CACNA2D4: variants seen among roughly 807,000 people sequenced by gnomAD.
CACNA2D4 encodes calcium voltage-gated channel auxiliary subunit alpha2delta 4.
Under a neutral mutation model 163.8 loss-of-function variants are expected in CACNA2D4, and 157 were observed. That is an observed-to-expected ratio of 0.96 (90% CI 0.84 to 1.09). The LOEUF is 1.09. Ranked by LOEUF, CACNA2D4 falls within the 50% of genes least tolerant of loss-of-function variation. The probability of loss-of-function intolerance (pLI) is 0.00; values close to 1 mark genes in which losing one functional copy is unlikely to be tolerated. For missense variants in CACNA2D4, 1,410 were observed against 1,479.9 expected (o/e 0.95, Z 0.78); for synonymous variants, 598 against 586.9 (o/e 1.02, Z -0.27).
At position 1,820,568 on chromosome 12, in the gene CACNA2D4, CCT is replaced by C. The variant is rs911998575; in HGVS notation, c.2552-8847_2552-8846del. The C allele has an allele frequency of 6.6e-6, 1 of 152,454 alleles. No individual in the cohort carries two copies. The highest frequency in any genetic ancestry group is 1.9e-4 in the East Asian group (1 of 5,190). The allele number at this position is 152,454 out of a possible 1,614,324, so 9.4% of individuals were successfully genotyped here. A position where few individuals can be genotyped will look rare whatever the true frequency, so the allele number is the denominator to read the frequency against. On this transcript the variant is annotated intron_variant, in intron 26 of 37. Transcript: ENST00000382722. This position sits in a 1 kb window ranked among gnomAD's most constrained non-coding sequence, Gnocchi z 6.0. The stretch of plus-strand genomic sequence containing the variant: ...TCTCCTCTCTCTCTCTCCCTCCATC[CCT>C]CTCTTTCCTTCTCAGTTTGTGACTG...
At chr12:1,864,225 T>G (rs1865590913) in intron 18 of CACNA2D4, among the ~76,000 whole-genome samples, 1 of 152,212 alleles carries the variant, frequency 6.6e-6, no homozygotes, top group African/African-American at 2.4e-5. Flanking sequence ...ACTCTCCCTT[T>G]GTAAGGCTTA....
intron 37 of CACNA2D4, among the ~76,000 whole-genome samples, chr12:1,794,299 C>T (rs1044366655): frequency 2.6e-5 from 4 of 152,302 alleles, no homozygotes; most frequent in East Asian, 3.9e-4. Context: ...TGGTTGACTT[C>T]GTATTTTAAT....
chr12:1,797,845 TTCCA>T (rs1863182610), intron 34 of CACNA2D4, among the ~76,000 whole-genome samples: 2 of 152,068 alleles, frequency 1.3e-5, no homozygotes, highest in African/African-American at 4.8e-5. Flanking sequence ...CCAGGGCCCC[TTCCA>T]GCACTCAGAT....
At chr12:1,857,005 C>T (rs1339221726) in intron 20 of CACNA2D4, among the ~76,000 whole-genome samples, 1 of 152,216 alleles carries the variant, frequency 6.6e-6, no homozygotes, top group Non-Finnish European at 1.5e-5. Flanking sequence ...AGCCCCTGAC[C>T]ACTGGAATGT....
chr12:1,826,641 G>A (rs1185236941), intron 26 of CACNA2D4, among the ~76,000 whole-genome samples: 7 of 152,226 alleles, frequency 4.6e-5, no homozygotes, highest in Middle Eastern at 3.2e-3. Flanking sequence ...CCCTCGCTGC[G>A]TGGGGGAAGG....
At chr12:1,830,538 C>T (rs1005778350) in intron 26 of CACNA2D4, among the ~76,000 whole-genome samples, 2 of 152,190 alleles carry the variant, frequency 1.3e-5, no homozygotes, top group African/African-American at 2.4e-5. Context: ...ACCTTATCTC[C>T]TTTCTTGTGT....
At chr12:1,873,088 C>T (rs2154449190) in intron 18 of CACNA2D4, among the ~76,000 whole-genome samples, 1 of 152,190 alleles carries the variant, frequency 6.6e-6, no homozygotes, top group East Asian at 1.9e-4. Flanking sequence ...ATAGGATAGG[C>T]CCACCCTCAG....
At chr12:1,852,051 T>C (rs1592711258) in intron 23 of CACNA2D4, among the ~76,000 whole-genome samples, 2 of 152,176 alleles carry the variant, frequency 1.3e-5, no homozygotes, top group Admixed American at 1.3e-4. Flanking sequence ...AGATAAAGGC[T>C]ATTAATTTTT....
Position 1,828,158 on chromosome 12 carries a change from C to T in CACNA2D4, c.2551+12581G>A. On this transcript the variant is annotated intron_variant, in intron 26 of 37. Coordinates refer to ENST00000382722, the MANE Select transcript of CACNA2D4 (RefSeq NM_172364.5). This position sits in a 1 kb window ranked among gnomAD's most constrained non-coding sequence, Gnocchi z 4.2. ...AGCCGTGGGCCTCACCATGCTGGCG[C>T]CGGGCAGCAGCCCTGGGCAGAGGGG... 1 of 1,543,540 alleles carries T rather than the reference C, an allele frequency of 6.5e-7. No homozygotes were observed. Among genetic ancestry groups the T allele is most frequent in the Non-Finnish European group, 8.7e-7 (1 of 1,143,472 alleles).
chr12:1,916,928 G>A (rs920840449), intron 1 of CACNA2D4, among the ~76,000 whole-genome samples: 6 of 152,314 alleles, frequency 3.9e-5, no homozygotes, highest in East Asian at 3.9e-4. Flanking sequence ...ATAGATGGCC[G>A]CTGGGGCCCC....
chr12:1,851,635 T>C lies in CACNA2D4; in HGVS notation c.2246+2316A>G, dbSNP rs141196603. 1.9e-4 allele frequency among the ~76,000 whole-genome samples: 23 copies of C among 123,406 alleles called. 1 individual carries two copies. The East Asian group carries it at 5.4e-3, about 29-fold the overall frequency. 81.0% of individuals were successfully genotyped at this position (123,406 alleles called of 152,430 possible). ...GGTAGGCCCAACCTCCCTTCTTTGC[T>C]TTTTTTGGTGTGTGTTTGTGTGTGT... is the stretch of plus-strand genomic sequence containing the variant. On this transcript the variant is annotated intron_variant, in intron 23 of 37. Coordinates refer to ENST00000382722, the MANE Select transcript of CACNA2D4 (RefSeq NM_172364.5).
chr12:1,795,202 G>T, intron 37 of CACNA2D4, 97 bp downstream of exon 37: 1 of 1,059,122 alleles, frequency 9.4e-7, no homozygotes, highest in Non-Finnish European at 1.4e-6. Context: ...GTGTTCATTG[G>T]CATCCCTATA....
Position 1,878,518 on chromosome 12 carries a change from A to G in CACNA2D4, c.1645-129T>C. 1 of 1,509,302 alleles carries G rather than the reference A, an allele frequency of 6.6e-7. No homozygotes were observed. Among genetic ancestry groups the G allele is most frequent in the Admixed American group, 2.0e-5 (1 of 50,908 alleles). The allele number at this position is 1,509,302 out of a possible 1,614,324, so 93.5% of individuals were successfully genotyped here. On this transcript the variant is annotated intron_variant, in intron 15 of 37. Transcript: ENST00000382722. The surrounding 1 kb of genome is among the most constrained non-coding windows in gnomAD (Gnocchi z 4.6). ...CACAGCAGTGAGTGTTTTCAATAGGAACGTAACTGAGCCAGTGCCATGCTT... is the reference window on the plus strand; with the variant it reads ...CACAGCAGTGAGTGTTTTCAATAGGGACGTAACTGAGCCAGTGCCATGCTT...
At position 1,844,456 on chromosome 12, in the gene CACNA2D4, A is replaced by G. The variant is rs748048662; in HGVS notation, c.2416T>C (p.Ser806Pro). Reference sequence around the variant, plus strand: ...ACGAAGCTGCCAGCAGGATGCTCTGAGGCCTGGCGGTACCACAGCGGGAAG... The same window carrying G: ...ACGAAGCTGCCAGCAGGATGCTCTGGGGCCTGGCGGTACCACAGCGGGAAG... Reference protein sequence around the residue: ...DRFPLWYRQASEHPAGSFVFN... With the variant: ...DRFPLWYRQAPEHPAGSFVFN... The change falls in exon 25 of 38, where the codon TCA becomes CCA. Residue 806 changes from serine (S) to proline (P), a missense_variant. Physicochemically the swap from Ser to Pro is moderately conservative, Grantham distance 74. Transcript: ENST00000382722. The surrounding 1 kb of genome is among the most constrained non-coding windows in gnomAD (Gnocchi z 4.2). 1 of 1,613,600 alleles carries G rather than the reference A, an allele frequency of 6.2e-7. No individual in the cohort carries two copies. Among genetic ancestry groups the G allele is most frequent in the South Asian group, 1.1e-5 (1 of 90,938 alleles).
chr12:1,897,415 C>T (rs75765154), intron 6 of CACNA2D4, among the ~76,000 whole-genome samples: 7,126 of 152,244 alleles, frequency 0.047, 426 homozygotes, highest in African/African-American at 0.14. Context: ...GATAAATACT[C>T]CAGGTGATGG....
chr12:1,864,598 C>T (rs1865600084), intron 18 of CACNA2D4, among the ~76,000 whole-genome samples: 1 of 152,200 alleles, frequency 6.6e-6, no homozygotes. Context: ...CTCTTCCTGC[C>T]GACAAGGTGG....
rs1016858975 is a variant in CACNA2D4, at chr12:1,799,364, G to A, written c.2995+311C>T. 5.7e-4 allele frequency among the ~76,000 whole-genome samples: 87 copies of A among 152,340 alleles called. No homozygotes were observed. Among genetic ancestry groups the A allele is most frequent in the African/African-American group, 2.0e-3 (83 of 41,586 alleles). ...GTTTGCTTCTCCAAGGGGTGGGCTG[G>A]AGGTTGCTCACTCATACTGGCTCAT... On this transcript the variant is annotated intron_variant, in intron 34 of 37. Transcript: ENST00000382722. This position sits in a 1 kb window ranked among gnomAD's most constrained non-coding sequence, Gnocchi z 4.7.
chr12:1,810,641 C>G (rs1257364009), intron 27 of CACNA2D4, 54 bp from the exon 28 acceptor site: 5 of 1,517,726 alleles, frequency 3.3e-6, no homozygotes, highest in Non-Finnish European at 2.7e-6. Context: ...GTAGAAATGG[C>G]ACGTGTAAGT....
chr12:1,848,077 C>A (rs1865192108), intron 23 of CACNA2D4, among the ~76,000 whole-genome samples: 1 of 152,150 alleles, frequency 6.6e-6, no homozygotes, highest in Non-Finnish European at 1.5e-5. Flanking sequence ...TCCAATTCAC[C>A]CACCTAAAGT....
Sources: allele counts gnomAD v4.1 joint callset (sites outside exome capture counted in the v4.1 genomes callset), GRCh38; gene constraint gnomAD v4.1.1; non-coding constraint Gnocchi (gnomAD v3.1); transcripts MANE v1.5; gene names NCBI Gene and HGNC (gene_info 2026-07-23, HGNC 2026-07-21).